Variants in CLSTN2 observed in about 807,000 individuals in gnomAD.
CLSTN2 encodes calsyntenin-2.
In CLSTN2, 48 loss-of-function variants were observed where a neutral mutation model predicts 101.2. The ratio of observed to expected loss-of-function variants is 0.47; its 90% CI spans 0.38 to 0.60. CLSTN2 has a LOEUF of 0.60. CLSTN2 is among the 20% of genes least tolerant of loss of function. The pLI is 0.00. For synonymous variants in CLSTN2, 481 were observed against 463.6 expected (o/e 1.04, Z -0.48); for missense variants, 1,160 against 1,238.2 (o/e 0.94, Z 0.95).
intron 2 of CLSTN2, among the ~76,000 whole-genome samples, chr3:140,248,977 A>T (rs527483275): frequency 5.3e-5 from 8 of 152,296 alleles, no homozygotes; most frequent in Admixed American, 1.3e-4. Context: ...GACACATTGG[A>T]AATTCATGGG....
rs560247658 is a variant in CLSTN2 at position 140,333,949 on chromosome 3, A to G, written c.233-69680A>G. ...GGAGAAACGTGAAAAAAAATTGCACATGGATTTTATGTCTGGATGATATGT... is the reference window on the plus strand; with the variant it reads ...GGAGAAACGTGAAAAAAAATTGCACGTGGATTTTATGTCTGGATGATATGT... On this transcript the variant is annotated intron_variant, in intron 2 of 16. Coordinates refer to ENST00000458420, the MANE Select transcript of CLSTN2 (RefSeq NM_022131.3). Among the ~76,000 whole-genome samples, 23 of 152,292 alleles carry G rather than the reference A, an allele frequency of 1.5e-4. 1 individual carries two copies. In the South Asian group the frequency reaches 4.8e-3, roughly 32 times the overall value.
chr3:140,424,809 G>A (rs936325008), intron 5 of CLSTN2, among the ~76,000 whole-genome samples: 4 of 152,144 alleles, frequency 2.6e-5, no homozygotes, highest in Non-Finnish European at 5.9e-5. Flanking sequence ...AATATGAGGA[G>A]AGCAGTTTGG....
intron 8 of CLSTN2, among the ~76,000 whole-genome samples, chr3:140,516,608 A>C (rs1337442754): frequency 6.7e-6 from 1 of 148,564 alleles, no homozygotes; most frequent in African/African-American, 2.5e-5. Flanking sequence ...TATGAAGCTT[A>C]GTTTTGCTGG....
chr3:140,343,894 A>C (rs1256141841), intron 2 of CLSTN2, among the ~76,000 whole-genome samples: 1 of 152,124 alleles, frequency 6.6e-6, no homozygotes, highest in Non-Finnish European at 1.5e-5. Context: ...TGGTTTGGTA[A>C]TTCAACCGTC....
At position 140,097,684 on chromosome 3, in the gene CLSTN2, G is replaced by A. The variant is rs187248430; in HGVS notation, c.110-78267G>A. 2.3e-4 allele frequency among the ~76,000 whole-genome samples: 35 copies of A among 152,272 alleles called. No individual in the cohort carries two copies. In the East Asian group the frequency reaches 4.4e-3, roughly 19 times the overall value. On this transcript the variant is annotated intron_variant, in intron 1 of 16. Coordinates refer to ENST00000458420, the MANE Select transcript of CLSTN2 (RefSeq NM_022131.3). ...GTATTACCTCCTCCTCTCAACTAGC[G>A]TCAATTGCAGTGCAGTTACTAGGCT...
At chr3:140,014,335 A>G (rs562891734) in intron 1 of CLSTN2, among the ~76,000 whole-genome samples, 1 of 152,244 alleles carries the variant, frequency 6.6e-6, no homozygotes, top group East Asian at 1.9e-4. Context: ...AGTATGCCTC[A>G]GACTCTCCAG....
intron 1 of CLSTN2, among the ~76,000 whole-genome samples, chr3:140,150,528 C>G (rs1301055254): frequency 6.6e-6 from 1 of 152,206 alleles, no homozygotes; most frequent in African/African-American, 2.4e-5. Flanking sequence ...TCAGGCATTG[C>G]ATCAGCTCAG....
At chr3:140,223,855 A>G (rs566971424) in intron 2 of CLSTN2, among the ~76,000 whole-genome samples, 1 of 152,262 alleles carries the variant, frequency 6.6e-6, no homozygotes, top group Non-Finnish European at 1.5e-5. Flanking sequence ...GATGACTCAC[A>G]TGTAACTTAA....
intron 7 of CLSTN2, among the ~76,000 whole-genome samples, chr3:140,460,081 A>G (rs1226238933): frequency 1.3e-5 from 2 of 152,192 alleles, no homozygotes; most frequent in African/African-American, 4.8e-5. Flanking sequence ...TGGGGCTGCT[A>G]TAAGTGAGAT....
chr3:140,417,262 A>G (rs1470986910), intron 4 of CLSTN2, among the ~76,000 whole-genome samples: 1 of 152,164 alleles, frequency 6.6e-6, no homozygotes, highest in East Asian at 1.9e-4. Context: ...ACAACAATCC[A>G]TCTTATGCAT....
intron 8 of CLSTN2, among the ~76,000 whole-genome samples, chr3:140,476,674 T>C (rs899309830): frequency 5.4e-5 from 6 of 110,998 alleles, no homozygotes; most frequent in African/African-American, 9.7e-5. Flanking sequence ...TTTTTTTTTT[T>C]CCTGATATGG....
chr3:140,069,934 G>A (rs1467588931), intron 1 of CLSTN2, among the ~76,000 whole-genome samples: 1 of 152,176 alleles, frequency 6.6e-6, no homozygotes, highest in East Asian at 1.9e-4. Context: ...ATGAAAGTTA[G>A]GGAAAGTTGT....
chr3:140,200,912 A>G (rs2010710153), intron 2 of CLSTN2, among the ~76,000 whole-genome samples: 1 of 151,918 alleles, frequency 6.6e-6, no homozygotes, highest in Admixed American at 6.6e-5. Flanking sequence ...ATCCAAGTTG[A>G]CACATCACCA....
intron 2 of CLSTN2, among the ~76,000 whole-genome samples, chr3:140,358,298 T>C (rs2087695054): frequency 1.3e-5 from 2 of 151,932 alleles, no homozygotes; most frequent in Admixed American, 1.3e-4. Context: ...TGGGCTGGGG[T>C]CAGCAGCTTC....
intron 1 of CLSTN2, among the ~76,000 whole-genome samples, chr3:140,049,520 G>T (rs560704138): frequency 1.3e-5 from 2 of 152,134 alleles, no homozygotes; most frequent in East Asian, 3.9e-4. Context: ...CCTCCCTGAG[G>T]GGGGACTATT....
chr3:140,336,618 A>T (rs527462214), intron 2 of CLSTN2, among the ~76,000 whole-genome samples: 1 of 152,296 alleles, frequency 6.6e-6, no homozygotes, highest in East Asian at 1.9e-4. Context: ...GGGGTTGGGA[A>T]CTTACCCTCT....
intron 1 of CLSTN2, among the ~76,000 whole-genome samples, chr3:140,079,668 T>A (rs2008552850): frequency 6.6e-6 from 1 of 151,262 alleles, no homozygotes; most frequent in African/African-American, 2.4e-5. Context: ...GGAGAATCGC[T>A]TGAACCCGGG....
chr3:140,026,994 C>T (rs1316583702), intron 1 of CLSTN2, among the ~76,000 whole-genome samples: 1 of 152,178 alleles, frequency 6.6e-6, no homozygotes, highest in South Asian at 2.1e-4. Context: ...GGAATTATCG[C>T]CAATGGGAGC....
intron 2 of CLSTN2, among the ~76,000 whole-genome samples, chr3:140,389,423 A>G (rs1017145621): frequency 6.6e-6 from 1 of 152,228 alleles, no homozygotes; most frequent in African/African-American, 2.4e-5. Context: ...TTTGCTGAAG[A>G]TAATAGCTTC....
Sources: gnomAD v4.1 joint callset for allele counts (sites outside exome capture counted in the v4.1 genomes callset) on GRCh38, gnomAD v4.1.1 for gene constraint, MANE v1.5 for transcripts, NCBI Gene and HGNC (gene_info 2026-07-23, HGNC 2026-07-21) for gene names.